The following SLC22A14 variants were observed in gnomAD, a reference collection of about 807,000 sequenced individuals.
The protein encoded by SLC22A14 is organic cation transporter-like 4.
In SLC22A14, 50 loss-of-function variants were observed where a neutral mutation model predicts 53.9. The observed-to-expected ratio is 0.93, with a 90% CI of 0.74 to 1.17. The LOEUF (loss-of-function observed/expected upper bound fraction) is 1.17. Among genes scored for constraint, SLC22A14 ranks in the 50% most tolerant of loss-of-function variants. The probability of loss-of-function intolerance (pLI) is 0.00; values close to 1 mark genes in which losing one functional copy is unlikely to be tolerated. For synonymous variants in SLC22A14, 312 were observed against 303.0 expected, an observed-to-expected ratio of 1.03 and a Z score of -0.31; for missense variants, 671 against 734.7, an observed-to-expected ratio of 0.91 and a Z score of 1.00.
chr3:38,313,265 T>C, intron 6 of SLC22A14, 123 bp from the exon 7 acceptor site: 1 of 1,434,306 alleles, frequency 7.0e-7, no homozygotes, highest in Non-Finnish European at 9.8e-7. Context: ...AATTGAACCC[T>C]GCCAGGGAAG....
chr3:38,291,706 C>A (rs959866337), intron 1 of SLC22A14, among the ~76,000 whole-genome samples: 2 of 152,186 alleles, frequency 1.3e-5, no homozygotes, highest in African/African-American at 4.8e-5. Context: ...TTTTCTGTGA[C>A]ATATAAAGAA....
intron 5 of SLC22A14, among the ~76,000 whole-genome samples, 193 bp from the exon 6 acceptor site, chr3:38,312,806 G>C (rs1015219701): frequency 6.6e-6 from 1 of 152,192 alleles, no homozygotes; most frequent in African/African-American, 2.4e-5. Flanking sequence ...GCCATGTGAG[G>C]CTTAGACAGG....
At chr3:38,295,414 C>T (rs1366263790) in intron 1 of SLC22A14, among the ~76,000 whole-genome samples, 3 of 152,196 alleles carry the variant, frequency 2.0e-5, no homozygotes, top group Non-Finnish European at 4.4e-5. Flanking sequence ...GTTAGCAAAG[C>T]AGTTGCTGCT....
At chr3:38,294,748 G>A (rs116252888) in intron 1 of SLC22A14, among the ~76,000 whole-genome samples, 9,755 of 152,082 alleles carry the variant, frequency 0.064, 376 homozygotes, top group East Asian at 0.16. Context: ...CTTGACCACA[G>A]AGAAAGGGGT....
chr3:38,286,836 A>AT (rs1397375622), intron 1 of SLC22A14, among the ~76,000 whole-genome samples: 4 of 150,132 alleles, frequency 2.7e-5, no homozygotes, highest in Non-Finnish European at 5.9e-5. Flanking sequence ...GGTTCAGGTG[A>AT]TTCTCCTACC....
Position 38,307,183 on chromosome 3 carries a change from C to A in SLC22A14, c.517-71C>A. On this transcript the variant is annotated intron_variant, in intron 2 of 10. Coordinates refer to ENST00000448498, the MANE Select transcript of SLC22A14 (RefSeq NM_001320033.2). The surrounding 1 kb of genome is among the most constrained non-coding windows in gnomAD (Gnocchi z 4.4). ...AGGTCCCCTTGGCCTATAGGTCCCA[C>A]GCTGGGATGAGTCTCAGTCTCTGGA... 1 of 1,072,366 alleles carries A rather than the reference C, an allele frequency of 9.3e-7. No homozygotes were observed. Among genetic ancestry groups the A allele is most frequent in the South Asian group, 1.2e-5 (1 of 80,308 alleles). The allele number at this position is 1,072,366 out of a possible 1,614,324, so 66.4% of individuals were successfully genotyped here.
chr3:38,315,107 C>G (rs1325074356), intron 8 of SLC22A14, among the ~76,000 whole-genome samples: 1 of 152,242 alleles, frequency 6.6e-6, no homozygotes, highest in Admixed American at 6.5e-5. Context: ...GGGAGCCATC[C>G]CAGCCATTCA....
intron 1 of SLC22A14, chr3:38,303,639 A>G (rs1273050509): frequency 6.6e-6 from 1 of 152,078 alleles, no homozygotes; most frequent in African/African-American, 2.4e-5. Context: ...GATTCAATAC[A>G]ATCTCAATGA....
At chr3:38,285,576 C>G (rs1376577003) in intron 1 of SLC22A14, among the ~76,000 whole-genome samples, 1 of 152,174 alleles carries the variant, frequency 6.6e-6, no homozygotes, top group Non-Finnish European at 1.5e-5. Context: ...ACTTTTTTCA[C>G]TGAACATCCT....
intron 5 of SLC22A14, 80 bp from the exon 6 acceptor site, chr3:38,312,919 C>T: frequency 6.5e-7 from 1 of 1,538,266 alleles, no homozygotes; most frequent in Middle Eastern, 1.7e-4. Flanking sequence ...AGGATGGCCA[C>T]AGCTGAGGCC....
upstream of SLC22A14, among the ~76,000 whole-genome samples, chr3:38,279,249 G>A (rs942050140): frequency 2.0e-5 from 3 of 152,152 alleles, no homozygotes; most frequent in Non-Finnish European, 4.4e-5. Context: ...ATCCTCTTGG[G>A]GAATACTAGC....
upstream of SLC22A14, among the ~76,000 whole-genome samples, chr3:38,279,297 C>T (rs1359312594): frequency 6.6e-6 from 1 of 152,246 alleles, no homozygotes; most frequent in Non-Finnish European, 1.5e-5. Flanking sequence ...CAGGCTGAAA[C>T]TGCCAAGGGG....
intron 7 of SLC22A14, 34 bp from the exon 8 acceptor site, chr3:38,313,691 CGT>C: frequency 9.6e-6 from 9 of 941,066 alleles, no homozygotes; most frequent in East Asian, 3.4e-5. Flanking sequence ...TGTGTGCGCG[CGT>C]GTGCACGCGC....
intron 1 of SLC22A14, among the ~76,000 whole-genome samples, chr3:38,299,598 T>TCC (rs1704115594): frequency 2.6e-5 from 4 of 152,248 alleles, no homozygotes; most frequent in Non-Finnish European, 5.9e-5. Context: ...AGTCTCACCC[T>TCC]ATCGCCTAGG....
At chr3:38,306,817 CAG>C (rs1467466543) in intron 2 of SLC22A14, among the ~76,000 whole-genome samples, 1 of 152,190 alleles carries the variant, frequency 6.6e-6, no homozygotes, top group African/African-American at 2.4e-5. Context: ...GTTCTGACCT[CAG>C]AACTCACAAA....
intron 1 of SLC22A14, among the ~76,000 whole-genome samples, chr3:38,294,910 C>T (rs1285185889): frequency 6.6e-6 from 1 of 152,154 alleles, no homozygotes; most frequent in Non-Finnish European, 1.5e-5. Context: ...AGTTCTTATG[C>T]AGATTCATTT....
rs1223225543 is a variant in SLC22A14 at position 38,306,193 on chromosome 3, T to C, written c.167T>C (p.Leu56Pro). ...TKQDDKFANL[L>P]DAVGEFGTFQ... ...CAGGATGACAAGTTTGCCAACCTCC[T>C]GGATGCGGTGGGGGAGTTTGGCACA... Residue 56 changes from leucine to proline, a missense_variant, in exon 2 of 11, where the codon CTG becomes CCG. Physicochemically the swap from Leu to Pro is moderately conservative, Grantham distance 98. Transcript: ENST00000448498. The C allele has an allele frequency of 1.2e-6, 2 of 1,614,190 alleles. No individual in the cohort carries two copies. The highest frequency in any genetic ancestry group is 1.7e-6 in the Non-Finnish European group (2 of 1,180,022).
At chr3:38,316,294 C>A (rs745928392) in intron 9 of SLC22A14, 30 bp from the exon 10 acceptor site, 1 of 1,609,070 alleles carries the variant, frequency 6.2e-7, no homozygotes, top group Non-Finnish European at 8.5e-7. Flanking sequence ...CCGGCAGACC[C>A]CTCACAGGAG....
At chr3:38,313,685 T>TGCGCGTGCGCGC in intron 7 of SLC22A14, 42 bp from the exon 8 acceptor site, 2 of 900,604 alleles carry the variant, frequency 2.2e-6, no homozygotes, top group African/African-American at 1.6e-5. Context: ...TCCGTGTGTG[T>TGCGCGTGCGCGC]GCGCGCGTGT....
Sources: gnomAD v4.1 joint callset for allele counts (sites outside exome capture counted in the v4.1 genomes callset) on GRCh38, gnomAD v4.1.1 for gene constraint, Gnocchi (gnomAD v3.1) non-coding constraint, MANE v1.5 for transcripts, NCBI Gene and HGNC (gene_info 2026-07-23, HGNC 2026-07-21) for gene names.